Variants in ST6GALNAC3 observed in about 807,000 individuals in gnomAD.
The protein encoded by ST6GALNAC3 is ST6 N-acetylgalactosaminide alpha-2,6-sialyltransferase 3.
A neutral mutation model predicts 32.7 loss-of-function variants in ST6GALNAC3; 25 were observed. The observed-to-expected ratio is 0.76, with a 90% CI of 0.56 to 1.07. The LOEUF (loss-of-function observed/expected upper bound fraction) is 1.07. Among genes scored for constraint, ST6GALNAC3 ranks in the 50% least tolerant of loss-of-function variants. ST6GALNAC3 has a pLI of 0.00. For missense variants in ST6GALNAC3, 355 were observed against 382.4 expected, an observed-to-expected ratio of 0.93 and a Z score of 0.60; for synonymous variants, 129 against 133.1, an observed-to-expected ratio of 0.97 and a Z score of 0.21.
chr1:76,495,317 C>T (rs764270930), intron 3 of ST6GALNAC3, among the ~76,000 whole-genome samples: 1 of 151,966 alleles, frequency 6.6e-6, no homozygotes, highest in Non-Finnish European at 1.5e-5. Flanking sequence ...GTATATTCTT[C>T]GTAATATTGT....
At chr1:76,373,188 G>A (rs1306254286) in intron 2 of ST6GALNAC3, among the ~76,000 whole-genome samples, 1 of 152,128 alleles carries the variant, frequency 6.6e-6, no homozygotes, top group Non-Finnish European at 1.5e-5. Flanking sequence ...CTTTGAAGTA[G>A]CATCATTTGT....
intron 3 of ST6GALNAC3, among the ~76,000 whole-genome samples, chr1:76,550,440 T>C (rs1664552770): frequency 6.6e-6 from 1 of 152,224 alleles, no homozygotes; most frequent in Admixed American, 6.5e-5. Context: ...GATTGATTGA[T>C]ACCAAGTTTG....
chr1:76,522,772 C>A (rs572505079), intron 3 of ST6GALNAC3, among the ~76,000 whole-genome samples: 4 of 152,122 alleles, frequency 2.6e-5, no homozygotes, highest in Non-Finnish European at 5.9e-5. Context: ...GGAATTAAAG[C>A]GGTGATCAGA....
At chr1:76,483,752 T>C (rs571513059) in intron 3 of ST6GALNAC3, among the ~76,000 whole-genome samples, 14 of 152,342 alleles carry the variant, frequency 9.2e-5, no homozygotes, top group African/African-American at 3.4e-4. Context: ...AGTTTTGGCT[T>C]TTGTTGCCAT....
chr1:76,215,163 A>G (rs2100585869), intron 1 of ST6GALNAC3, among the ~76,000 whole-genome samples: 1 of 152,364 alleles, frequency 6.6e-6, no homozygotes, highest in Non-Finnish European at 1.5e-5. Flanking sequence ...AGTAAGAATC[A>G]GAATTCAGAG....
chr1:76,167,405 A>G (rs1419365634), intron 1 of ST6GALNAC3, among the ~76,000 whole-genome samples: 1 of 151,892 alleles, frequency 6.6e-6, no homozygotes, highest in Non-Finnish European at 1.5e-5. Flanking sequence ...GTTTGTCAGT[A>G]TTTTGTAGTT....
At position 76,412,960 on chromosome 1, in the gene ST6GALNAC3, G is replaced by A. The variant is rs747757178; in HGVS notation, c.623+543G>A. On this transcript the variant is annotated intron_variant, in intron 3 of 4. Coordinates refer to ENST00000328299, the MANE Select transcript of ST6GALNAC3 (RefSeq NM_152996.4). ...GCAGAATACCATATTGAAATTATAC[G>A]TCCCTTAAAATCATTAGCAGTTGAA... 23 of 342,180 alleles carry A rather than the reference G, an allele frequency of 6.7e-5. 1 individual carries two copies. Among genetic ancestry groups the A allele is most frequent in the Admixed American group, 4.0e-4 (11 of 27,758 alleles). The allele number at this position is 342,180 out of a possible 1,614,324, so 21.2% of individuals were successfully genotyped here.
intron 2 of ST6GALNAC3, among the ~76,000 whole-genome samples, chr1:76,357,908 G>A (rs1649615508): frequency 6.6e-6 from 1 of 152,186 alleles, no homozygotes; most frequent in Non-Finnish European, 1.5e-5. Context: ...GTCAAAGACA[G>A]GGAATGTTTA....
chr1:76,585,931 T>C (rs1646956064), intron 3 of ST6GALNAC3, among the ~76,000 whole-genome samples: 1 of 152,190 alleles, frequency 6.6e-6, no homozygotes, highest in Non-Finnish European at 1.5e-5. Context: ...CTAACCTATC[T>C]CACTTCAATC....
rs896778457 is a variant in ST6GALNAC3 at position 76,092,339 on chromosome 1, T to C, written c.18+17455T>C. On this transcript the variant is annotated intron_variant, in intron 1 of 4. Transcript: ENST00000328299. ...TAAGGAAGTTTGCTGTTTGAAGGAC[T>C]TTGTGGCTAATCCCTTGGTAAAGAA... is the stretch of plus-strand genomic sequence containing the variant. 2.6e-5 allele frequency among the ~76,000 whole-genome samples: 4 copies of C among 152,360 alleles called. No homozygotes were observed. In the East Asian group the frequency reaches 5.8e-4, roughly 22 times the overall value.
intron 3 of ST6GALNAC3, among the ~76,000 whole-genome samples, chr1:76,622,854 C>T (rs1648735453): frequency 6.6e-6 from 1 of 151,926 alleles, no homozygotes; most frequent in African/African-American, 2.4e-5. Flanking sequence ...TCCATTTCCT[C>T]AGTTCCTCCC....
intron 1 of ST6GALNAC3, among the ~76,000 whole-genome samples, chr1:76,275,224 A>T (rs1659073202): frequency 6.6e-6 from 1 of 152,214 alleles, no homozygotes; most frequent in South Asian, 2.1e-4. Flanking sequence ...CAACATTTAA[A>T]CCTGTATGAG....
At chr1:76,552,869 T>G (rs1485091612) in intron 3 of ST6GALNAC3, among the ~76,000 whole-genome samples, 1 of 152,174 alleles carries the variant, frequency 6.6e-6, no homozygotes, top group Non-Finnish European at 1.5e-5. Context: ...TGCTATCGGT[T>G]TTTGGTAGAT....
intron 3 of ST6GALNAC3, among the ~76,000 whole-genome samples, chr1:76,622,180 G>T (rs1298741627): frequency 1.3e-5 from 2 of 151,936 alleles, no homozygotes; most frequent in Non-Finnish European, 2.9e-5. Flanking sequence ...GCCCCCAAAG[G>T]AACCATTTCA....
intron 1 of ST6GALNAC3, among the ~76,000 whole-genome samples, chr1:76,116,282 T>C (rs1648471757): frequency 6.6e-6 from 1 of 152,162 alleles, no homozygotes; most frequent in African/African-American, 2.4e-5. Context: ...TCTCCTGGGC[T>C]ACAGTGAGGA....
At chr1:76,478,861 C>T (rs2101648338) in intron 3 of ST6GALNAC3, among the ~76,000 whole-genome samples, 1 of 144,390 alleles carries the variant, frequency 6.9e-6, no homozygotes, top group South Asian at 2.2e-4. Context: ...CTCCTGGGTT[C>T]ATGCCATTCT....
chr1:76,412,533 T>C, intron 3 of ST6GALNAC3, 116 bp downstream of exon 3: 3 of 1,128,690 alleles, frequency 2.7e-6, no homozygotes, highest in East Asian at 2.6e-5. Flanking sequence ...GATTGTTATA[T>C]GTTTTGACTA....
At chr1:76,495,014 G>T (rs1203590903) in intron 3 of ST6GALNAC3, among the ~76,000 whole-genome samples, 1 of 152,116 alleles carries the variant, frequency 6.6e-6, no homozygotes, top group East Asian at 1.9e-4. Context: ...TCATGAGAAG[G>T]TCAGTCTTTT....
intron 1 of ST6GALNAC3, among the ~76,000 whole-genome samples, chr1:76,103,784 CTG>C (rs1250091072): frequency 6.6e-6 from 1 of 152,148 alleles, no homozygotes; most frequent in Non-Finnish European, 1.5e-5. Context: ...CTTCTCCTCT[CTG>C]TGTCTGTCTT....
Sources: allele counts gnomAD v4.1 joint callset (sites outside exome capture counted in the v4.1 genomes callset), GRCh38; gene constraint gnomAD v4.1.1; transcripts MANE v1.5; gene names NCBI Gene and HGNC (gene_info 2026-07-23, HGNC 2026-07-21).